The following COLEC10 variants were observed in gnomAD, a reference collection of about 807,000 sequenced individuals.
COLEC10 encodes collectin subfamily member 10.
Under a neutral mutation model 28.4 loss-of-function variants are expected in COLEC10, and 22 were observed. The observed-to-expected ratio is 0.78, with a 90% CI of 0.55 to 1.11. COLEC10 has a LOEUF of 1.11. Ranked by LOEUF, COLEC10 falls within the 50% of genes least tolerant of loss-of-function variation. The pLI is 0.00. For synonymous variants in COLEC10, 125 were observed against 116.1 expected (o/e 1.08, Z -0.49); for missense variants, 361 against 344.1 (o/e 1.05, Z -0.39).
At chr8:119,015,610 C>T (rs746419299) in intron 2 of COLEC10, among the ~76,000 whole-genome samples, 1 of 152,138 alleles carries the variant, frequency 6.6e-6, no homozygotes, top group Non-Finnish European at 1.5e-5. Flanking sequence ...TTTTGACCTT[C>T]AAACTTGTTC....
chr8:119,017,002 C>CT (rs397717571), intron 2 of COLEC10, among the ~76,000 whole-genome samples: 3 of 196 alleles, frequency 0.015, no homozygotes, highest in Non-Finnish European at 0.042. Context: ...GGGTGAGCCA[C>CT]GCACCTGGCT....
chr8:119,079,729 G>T (rs1815332015), intron 1 of COLEC10, among the ~76,000 whole-genome samples: 1 of 150,240 alleles, frequency 6.7e-6, no homozygotes, highest in African/African-American at 2.5e-5. Flanking sequence ...TTGTAATTCA[G>T]ATAGGAGAGA....
chr8:118,976,395 G>C, the COLEC10 span: 1 of 152,086 alleles, frequency 6.6e-6, no homozygotes, highest in African/African-American at 2.4e-5. Context: ...GGATTAAAGA[G>C]TAGTCTCCTT....
chr8:119,082,962 C>A (rs1415920031), intron 1 of COLEC10, among the ~76,000 whole-genome samples: 1 of 152,172 alleles, frequency 6.6e-6, no homozygotes, highest in African/African-American at 2.4e-5. Flanking sequence ...TTATCTGCTT[C>A]TTTGTCCATC....
At chr8:119,063,653 C>T (rs1814897765), upstream of COLEC10, among the ~76,000 whole-genome samples, 1 of 151,132 alleles carries the variant, frequency 6.6e-6, no homozygotes, top group Middle Eastern at 3.4e-3. Context: ...ACCCTTTTGT[C>T]ACGTAAGGTC....
chr8:119,053,907 A>T (rs1382427573), intron 2 of COLEC10, among the ~76,000 whole-genome samples: 8 of 152,066 alleles, frequency 5.3e-5, no homozygotes, highest in Non-Finnish European at 7.4e-5. Flanking sequence ...CTATACATAC[A>T]TAGCTATGAT....
At chr8:119,014,607 A>T (rs990486620) in intron 2 of COLEC10, among the ~76,000 whole-genome samples, 2 of 150,040 alleles carry the variant, frequency 1.3e-5, no homozygotes, top group Admixed American at 1.3e-4. Context: ...CTGTAGTTTC[A>T]TGTCTGATAA....
intron 2 of COLEC10, among the ~76,000 whole-genome samples, chr8:119,040,725 A>G (rs1301899090): frequency 6.6e-6 from 1 of 152,244 alleles, no homozygotes; most frequent in Non-Finnish European, 1.5e-5. Flanking sequence ...GGGCAGGAAT[A>G]AAGGAACCAA....
upstream of COLEC10, chr8:119,067,142 G>A (rs941066021): frequency 5.3e-6 from 4 of 757,170 alleles, no homozygotes; most frequent in African/African-American, 7.1e-5. Flanking sequence ...CCTAGGGTAT[G>A]CTTCCTTCCT....
At chr8:119,018,580 G>A (rs184581238) in intron 2 of COLEC10, among the ~76,000 whole-genome samples, 1 of 152,328 alleles carries the variant, frequency 6.6e-6, no homozygotes, top group African/African-American at 2.4e-5. Context: ...CCTAACTTAT[G>A]TATAGGGGAA....
At chr8:118,989,822 G>A in the COLEC10 span, among the ~76,000 whole-genome samples, 1 of 151,952 alleles carries the variant, frequency 6.6e-6, no homozygotes, top group African/African-American at 2.4e-5. Flanking sequence ...CAAAATGCTT[G>A]AGACCAGAAA....
At chr8:119,056,767 T>G (rs557659501) in intron 2 of COLEC10, among the ~76,000 whole-genome samples, 1 of 152,136 alleles carries the variant, frequency 6.6e-6, no homozygotes, top group South Asian at 2.1e-4. Context: ...ATTGGCATTC[T>G]TTTTAAAAAA....
intron 2 of COLEC10, among the ~76,000 whole-genome samples, chr8:119,024,407 C>G (rs887089361): frequency 6.6e-6 from 1 of 152,014 alleles, no homozygotes; most frequent in Admixed American, 6.6e-5. Context: ...AGTGAGTCCC[C>G]TTATAAGGCA....
At chr8:118,961,527 C>T in the COLEC10 span, among the ~76,000 whole-genome samples, 2 of 152,306 alleles carry the variant, frequency 1.3e-5, no homozygotes, top group Admixed American at 1.3e-4. Context: ...TGGTCAACAA[C>T]ACTAAGGGAC....
At chr8:119,023,653 A>G (rs1157996046) in intron 2 of COLEC10, among the ~76,000 whole-genome samples, 1 of 152,202 alleles carries the variant, frequency 6.6e-6, no homozygotes, top group African/African-American at 2.4e-5. Context: ...AGAGTGAATA[A>G]CAGTAAGTAA....
intron 1 of COLEC10, among the ~76,000 whole-genome samples, chr8:118,997,985 G>A (rs17831322): frequency 0.039 from 5,992 of 152,244 alleles, 183 homozygotes; most frequent in East Asian, 0.16. Context: ...TAAGGTGGCA[G>A]CATTGAAAAA....
At chr8:118,993,002 G>T (rs563921441), upstream of COLEC10, among the ~76,000 whole-genome samples, 1 of 152,208 alleles carries the variant, frequency 6.6e-6, no homozygotes. Context: ...AATGGAATGG[G>T]CCATAATGGA....
chr8:119,102,383 G>A lies in COLEC10; in HGVS notation c.328G>A (p.Gly110Arg). ...GGAAAAAGGTTTGCTTGGAATACCT[G>A]GAGAAAAAGGCAAAGCAGGTACGAT... ...KGEKGLLGIP[G>R]EKGKAGTVCD... The change falls in exon 4 of 6, where the codon GGA (glycine) becomes AGA (arginine). Residue 110 changes from glycine to arginine, a missense_variant. Physicochemically the swap from Gly to Arg is moderately radical, Grantham distance 125. Coordinates refer to ENST00000332843, the MANE Select transcript of COLEC10 (RefSeq NM_006438.5). The A allele has an allele frequency of 1.2e-6, 2 of 1,608,742 alleles. No homozygotes were observed. The highest frequency in any genetic ancestry group is 8.5e-7 in the Non-Finnish European group (1 of 1,177,332).
At position 119,108,299 on chromosome 8, in the gene COLEC10, A is replaced by G. The variant is rs942447593; in HGVS notation, c.*2108A>G. On this transcript the variant is annotated 3_prime_UTR_variant, in exon 6 of 6. Coordinates refer to ENST00000332843, the MANE Select transcript of COLEC10 (RefSeq NM_006438.5). ...AAAGCTCATATGTAAGAAGAGAGGA[A>G]GGAGAGACATGCAGCAAATGTTGCC... 4.6e-5 allele frequency among the ~76,000 whole-genome samples: 7 copies of G among 152,218 alleles called. No homozygotes were observed. Among genetic ancestry groups the G allele is most frequent in the Non-Finnish European group, 1.0e-4 (7 of 68,036 alleles).
Sources: gnomAD v4.1 joint callset for allele counts (sites outside exome capture counted in the v4.1 genomes callset) on GRCh38, gnomAD v4.1.1 for gene constraint, MANE v1.5 for transcripts, NCBI Gene and HGNC (gene_info 2026-07-23, HGNC 2026-07-21) for gene names.